Variants in KMT2C observed in about 807,000 individuals in gnomAD.
The protein encoded by KMT2C is lysine methyltransferase 2C, also known as histone-lysine N-methyltransferase 2C.
In KMT2C, 88 loss-of-function variants were observed where a neutral mutation model predicts 507.9. The observed-to-expected ratio is 0.17, with a 90% CI of 0.15 to 0.21. KMT2C has a LOEUF of 0.21. KMT2C is among the 10% of genes least tolerant of loss of function. The pLI is 1.00. For missense variants in KMT2C, 4,954 were observed against 5,957.8 expected, an observed-to-expected ratio of 0.83 and a Z score of 5.55; for synonymous variants, 2,049 against 2,080.8, an observed-to-expected ratio of 0.98 and a Z score of 0.42.
chr7:152,145,733 T>C (rs1368739909), intron 53 of KMT2C, among the ~76,000 whole-genome samples: 2 of 152,222 alleles, frequency 1.3e-5, no homozygotes, highest in Non-Finnish European at 2.9e-5. Flanking sequence ...ATCATCTATA[T>C]GGTTTCTTTC....
intron 1 of KMT2C, among the ~76,000 whole-genome samples, chr7:152,416,403 G>C (rs2097736083): frequency 1.3e-5 from 2 of 152,230 alleles, no homozygotes; most frequent in South Asian, 4.1e-4. Context: ...AAATTAGCCG[G>C]GCATGGTGGC....
At chr7:152,251,893 C>G in intron 11 of KMT2C, 46 bp downstream of exon 11, 9 of 1,468,688 alleles carry the variant, frequency 6.1e-6, no homozygotes, top group Non-Finnish European at 8.3e-6. Flanking sequence ...AATGGCACAA[C>G]ATTACAAAAA....
At chr7:152,196,452 G>A (rs2093964788) in intron 27 of KMT2C, among the ~76,000 whole-genome samples, 3 of 148,954 alleles carry the variant, frequency 2.0e-5, no homozygotes, top group Admixed American at 6.6e-5. Flanking sequence ...ATTCCATATG[G>A]AGCACAAGCC....
At chr7:152,264,987 A>C in intron 8 of KMT2C, 51 bp downstream of exon 8, 1 of 1,606,114 alleles carries the variant, frequency 6.2e-7, no homozygotes, top group South Asian at 1.1e-5. Context: ...ACCTAGTAAT[A>C]GGGTCCCTCT....
chr7:152,287,854 T>A (rs1353226670), intron 6 of KMT2C, among the ~76,000 whole-genome samples: 7 of 151,034 alleles, frequency 4.6e-5, no homozygotes, highest in African/African-American at 7.3e-5. Context: ...TGAAACCCCA[T>A]CTCTACTAAA....
At chr7:152,141,569 C>T (rs781189370) in intron 55 of KMT2C, among the ~76,000 whole-genome samples, 1 of 150,482 alleles carries the variant, frequency 6.6e-6, no homozygotes, top group Admixed American at 6.6e-5. Flanking sequence ...AAAAATTAGC[C>T]GGGCATGGTA....
At chr7:152,156,400 C>T (rs2092048985) in intron 44 of KMT2C, 54 bp from the exon 45 acceptor site, 5 of 1,592,004 alleles carry the variant, frequency 3.1e-6, no homozygotes, top group Non-Finnish European at 4.3e-6. Flanking sequence ...TATGCAATGA[C>T]CTTGCTAAAA....
At chr7:152,330,051 GAAGACTCTCT>G (rs1261898963) in intron 3 of KMT2C, among the ~76,000 whole-genome samples, 1 of 147,982 alleles carries the variant, frequency 6.8e-6, no homozygotes, top group East Asian at 2.0e-4. Context: ...GCCTGAGGCA[GAAGACTCTCT>G]TGAACCAGGG....
chr7:152,194,847 CAAA>C (rs36061637), intron 28 of KMT2C, among the ~76,000 whole-genome samples: 1 of 87,104 alleles, frequency 1.1e-5, no homozygotes. Flanking sequence ...CAACTCCTGC[CAAA>C]AAAAAAAAAA....
intron 1 of KMT2C, among the ~76,000 whole-genome samples, chr7:152,427,044 C>A (rs1170335662): frequency 6.6e-6 from 1 of 151,744 alleles, no homozygotes; most frequent in South Asian, 2.1e-4. Flanking sequence ...GAGACAGAGT[C>A]TCACTCTGTC....
At chr7:152,328,783 G>A (rs1328313228) in intron 3 of KMT2C, among the ~76,000 whole-genome samples, 7 of 152,068 alleles carry the variant, frequency 4.6e-5, no homozygotes, top group Admixed American at 4.6e-4. Flanking sequence ...TTGGGTTATC[G>A]AGTTGAGCTA....
At chr7:152,184,068 A>G (rs2093533863) in intron 34 of KMT2C, among the ~76,000 whole-genome samples, 1 of 142,940 alleles carries the variant, frequency 7.0e-6, no homozygotes, top group Non-Finnish European at 1.5e-5. Context: ...GTGAAGCTCC[A>G]TCTCAAAAAA....
At chr7:152,227,009 C>G (rs1362517242) in intron 18 of KMT2C, among the ~76,000 whole-genome samples, 5 of 152,192 alleles carry the variant, frequency 3.3e-5, no homozygotes, top group Non-Finnish European at 7.3e-5. Context: ...AAGTTTTCTT[C>G]ACAGATACCT....
intron 2 of KMT2C, among the ~76,000 whole-genome samples, chr7:152,348,615 A>G (rs939056567): frequency 1.3e-5 from 2 of 150,238 alleles, no homozygotes; most frequent in South Asian, 2.1e-4. Context: ...AAAAAAAAAA[A>G]AAAAAAAAAG....
chr7:152,268,690 T>C (rs2095903673), intron 7 of KMT2C, among the ~76,000 whole-genome samples: 1 of 152,190 alleles, frequency 6.6e-6, no homozygotes, highest in Non-Finnish European at 1.5e-5. Context: ...CATTTAAAAA[T>C]TGATCTTTTT....
intron 26 of KMT2C, among the ~76,000 whole-genome samples, chr7:152,201,293 G>GAC (rs3839689): frequency 0.12 from 16,508 of 136,906 alleles, 955 homozygotes; most frequent in East Asian, 0.21. Context: ...TACAGACACA[G>GAC]ACACACACAC....
intron 6 of KMT2C, among the ~76,000 whole-genome samples, chr7:152,303,374 T>A (rs765567740): frequency 2.0e-5 from 3 of 152,248 alleles, no homozygotes; most frequent in Non-Finnish European, 4.4e-5. Flanking sequence ...TATTGCAGAA[T>A]GTTTAGCGGC....
chr7:152,423,078 C>A (rs967063758), intron 1 of KMT2C, among the ~76,000 whole-genome samples: 3 of 150,870 alleles, frequency 2.0e-5, no homozygotes, highest in Non-Finnish European at 4.4e-5. Context: ...CGGTGGCTCA[C>A]GCCTGTAATT....
chr7:152,163,564 T>C lies in KMT2C; in HGVS notation c.10013A>G (p.Asn3338Ser), dbSNP rs201260588. 17 of 1,607,424 alleles carry C rather than the reference T, an allele frequency of 1.1e-5. 1 individual carries two copies. Among genetic ancestry groups the C allele is most frequent in the Admixed American group, 6.7e-5 (4 of 59,698 alleles). The change falls in exon 43 of 59, where the codon AAC (asparagine) becomes AGC (serine). Residue 3338 changes from asparagine to serine, a missense_variant. Transcript: ENST00000262189. ...GAGGGGCAGGTGGGCAGGAGCACTGTTGGGTTGCCATCCAGGTAAACTGGG... is the reference window on the plus strand; with the variant it reads ...GAGGGGCAGGTGGGCAGGAGCACTGCTGGGTTGCCATCCAGGTAAACTGGG... Reference protein sequence around the residue: ...RMPSLPGWQPNSAPAHLPLNP... With the variant: ...RMPSLPGWQPSSAPAHLPLNP...
Sources: allele counts gnomAD v4.1 joint callset (sites outside exome capture counted in the v4.1 genomes callset), GRCh38; gene constraint gnomAD v4.1.1; transcripts MANE v1.5; gene names NCBI Gene and HGNC (gene_info 2026-07-23, HGNC 2026-07-21).